NEIL3: variants seen among roughly 807,000 people sequenced by gnomAD.
NEIL3 encodes nei like DNA glycosylase 3.
A neutral mutation model predicts 57.5 loss-of-function variants in NEIL3; 48 were observed. The observed-to-expected ratio is 0.83, with a 90% confidence interval of 0.66 to 1.06. The LOEUF (loss-of-function observed/expected upper bound fraction) is 1.06. Among genes scored for constraint, NEIL3 ranks in the 50% least tolerant of loss-of-function variants. The pLI, the probability that NEIL3 is intolerant of heterozygous loss-of-function variation, is 0.00. For missense variants in NEIL3, 717 were observed against 739.1 expected, an observed-to-expected ratio of 0.97 and a Z score of 0.35; for synonymous variants, 261 against 253.2, an observed-to-expected ratio of 1.03 and a Z score of -0.29.
chr4:177,348,233 AAC>A (rs2110922956), intron 6 of NEIL3, among the ~76,000 whole-genome samples: 1 of 152,240 alleles, frequency 6.6e-6, no homozygotes, highest in East Asian at 1.9e-4. Flanking sequence ...CTGCATGTCT[AAC>A]ACGTTCCCAC....
At chr4:177,365,287 G>A (rs1735678968), downstream of NEIL3, among the ~76,000 whole-genome samples, 1 of 152,044 alleles carries the variant, frequency 6.6e-6, no homozygotes, top group African/African-American at 2.4e-5. Context: ...GTCATGTGAG[G>A]GCATCCTGGC....
intron 2 of NEIL3, among the ~76,000 whole-genome samples, chr4:177,329,796 C>G (rs1225004297): frequency 6.6e-6 from 1 of 152,084 alleles, no homozygotes; most frequent in Non-Finnish European, 1.5e-5. Context: ...CAAGATTGAC[C>G]AGATTATGGA....
chr4:177,340,899 T>C (rs981787368), intron 5 of NEIL3, among the ~76,000 whole-genome samples: 2 of 152,158 alleles, frequency 1.3e-5, no homozygotes, highest in African/African-American at 2.4e-5. Context: ...ATGGAATATA[T>C]TCTCTGCTAG....
intron 2 of NEIL3, among the ~76,000 whole-genome samples, chr4:177,329,864 G>A (rs1242766976): frequency 6.6e-6 from 1 of 152,068 alleles, no homozygotes; most frequent in African/African-American, 2.4e-5. Flanking sequence ...AATCCTCTCT[G>A]ACTACAACAG....
chr4:177,339,892 A>C, intron 5 of NEIL3, 35 bp downstream of exon 5: 1 of 1,445,994 alleles, frequency 6.9e-7, no homozygotes, highest in South Asian at 1.1e-5. Context: ...GTAAAATGTA[A>C]AATGTCAGTG....
chr4:177,311,751 A>G (rs528777703), intron 1 of NEIL3, among the ~76,000 whole-genome samples: 1 of 152,042 alleles, frequency 6.6e-6, no homozygotes, highest in East Asian at 1.9e-4. Flanking sequence ...GAACAGGAAA[A>G]AGACTGAAAG....
downstream of NEIL3, chr4:177,363,014 A>G (rs1443505823): frequency 6.6e-6 from 1 of 152,248 alleles, no homozygotes; most frequent in Non-Finnish European, 1.5e-5. Flanking sequence ...CAAACCTTGT[A>G]TGACTTCAAA....
At chr4:177,324,988 A>ATAG (rs1560910071) in intron 2 of NEIL3, among the ~76,000 whole-genome samples, 149 of 113,222 alleles carry the variant, frequency 1.3e-3, no homozygotes, top group African/African-American at 5.1e-3. Context: ...TAGATAGATA[A>ATAG]GTAAATATAT....
rs903909411 is a variant in NEIL3 at position 177,357,446 on chromosome 4, G to A, written c.1461-3057G>A. Among the ~76,000 whole-genome samples the A allele has an allele frequency of 2.0e-5, 3 of 152,060 alleles. No individual in the cohort carries two copies. The South Asian group carries it at 6.2e-4, about 32-fold the overall frequency. ...CCAAGACAATTCTTCTTCTTCCACT[G>A]TGGCCCAGGGAAGCCAAGATTGGAC... On this transcript the variant is annotated intron_variant, in intron 8 of 9. Coordinates refer to ENST00000264596, the MANE Select transcript of NEIL3 (RefSeq NM_018248.3).
At chr4:177,334,621 C>T (rs942347900) in intron 2 of NEIL3, among the ~76,000 whole-genome samples, 1 of 152,142 alleles carries the variant, frequency 6.6e-6, no homozygotes, top group African/African-American at 2.4e-5. Flanking sequence ...TACTTACAGG[C>T]ACACATTTTT....
intron 2 of NEIL3, among the ~76,000 whole-genome samples, chr4:177,322,941 G>C (rs879804368): frequency 1.3e-5 from 2 of 152,110 alleles, no homozygotes; most frequent in Admixed American, 1.3e-4. Context: ...CCCTAGTTTG[G>C]TTTAAATGTA....
At chr4:177,315,180 C>A (rs1403712041) in intron 1 of NEIL3, among the ~76,000 whole-genome samples, 1 of 151,698 alleles carries the variant, frequency 6.6e-6, no homozygotes, top group African/African-American at 2.4e-5. Context: ...AGGGAAAATA[C>A]TTAACTGCAC....
At chr4:177,320,386 T>C (rs1332172106) in intron 1 of NEIL3, among the ~76,000 whole-genome samples, 1 of 151,942 alleles carries the variant, frequency 6.6e-6, no homozygotes, top group South Asian at 2.1e-4. Context: ...GACTGAGCTT[T>C]GAGGACATGG....
intron 2 of NEIL3, among the ~76,000 whole-genome samples, chr4:177,334,438 A>G (rs1734937986): frequency 6.6e-6 from 1 of 152,216 alleles, no homozygotes; most frequent in Admixed American, 6.5e-5. Flanking sequence ...CTGCATTTGA[A>G]TTGGGTCTTA....
chr4:177,312,480 T>A (rs192652347), intron 1 of NEIL3, among the ~76,000 whole-genome samples: 1 of 152,356 alleles, frequency 6.6e-6, no homozygotes, highest in African/African-American at 2.4e-5. Context: ...TTTAGTTTTG[T>A]TCGGTTGAGT....
intron 2 of NEIL3, among the ~76,000 whole-genome samples, chr4:177,333,208 A>G (rs917414983): frequency 6.6e-6 from 1 of 152,118 alleles, no homozygotes; most frequent in Non-Finnish European, 1.5e-5. Flanking sequence ...GTTGTCATTA[A>G]TGTGAAACTG....
intron 6 of NEIL3, among the ~76,000 whole-genome samples, chr4:177,342,028 A>T (rs17727255): frequency 0.19 from 28,823 of 152,208 alleles, 2,808 homozygotes; most frequent in Non-Finnish European, 0.22. Context: ...TTGTATGTCT[A>T]GTTGGTGAAA....
intron 2 of NEIL3, among the ~76,000 whole-genome samples, chr4:177,329,059 A>C (rs1470577627): frequency 6.6e-6 from 1 of 152,144 alleles, no homozygotes; most frequent in Non-Finnish European, 1.5e-5. Flanking sequence ...CTTGTATCAC[A>C]GTGTAAGATG....
chr4:177,350,220 G>A (rs1735322261), intron 6 of NEIL3, among the ~76,000 whole-genome samples: 1 of 152,198 alleles, frequency 6.6e-6, no homozygotes, highest in Non-Finnish European at 1.5e-5. Flanking sequence ...GTTCTGAAAT[G>A]TAAGATACAT....
Sources: allele counts gnomAD v4.1 joint callset (sites outside exome capture counted in the v4.1 genomes callset), GRCh38; gene constraint gnomAD v4.1.1; transcripts MANE v1.5; gene names NCBI Gene and HGNC (gene_info 2026-07-23, HGNC 2026-07-21).